The following FBXL17 variants were observed in gnomAD, a reference collection of about 807,000 sequenced individuals.
The protein encoded by FBXL17 is F-box/LRR-repeat protein 17.
In FBXL17, 22 loss-of-function variants were observed where a neutral mutation model predicts 66.2. The observed-to-expected ratio is 0.33, with a 90% CI of 0.24 to 0.47. The LOEUF (loss-of-function observed/expected upper bound fraction) is 0.47. FBXL17 is among the 20% of genes least tolerant of loss of function. The pLI is 1.00. For missense variants in FBXL17, 878 were observed against 948.2 expected, an observed-to-expected ratio of 0.93 and a Z score of 0.97; for synonymous variants, 474 against 400.5, an observed-to-expected ratio of 1.18 and a Z score of -2.19.
intron 6 of FBXL17, among the ~76,000 whole-genome samples, chr5:108,079,171 T>A (rs1375787412): frequency 6.6e-6 from 1 of 151,302 alleles, no homozygotes; most frequent in Non-Finnish European, 1.5e-5. Flanking sequence ...TTTTTTTTTT[T>A]ATTAATCTGC....
At chr5:107,878,519 A>G in intron 8 of FBXL17, 3 of 842,890 alleles carry the variant, frequency 3.6e-6, no homozygotes, top group Non-Finnish European at 4.3e-6. Context: ...GCCCGCGGTG[A>G]CACAACTAGT....
chr5:108,196,126 A>G (rs1753670858), intron 5 of FBXL17, among the ~76,000 whole-genome samples: 1 of 152,100 alleles, frequency 6.6e-6, no homozygotes, highest in Non-Finnish European at 1.5e-5. Context: ...TTTATAGTGA[A>G]TAAATTCTGA....
intron 7 of FBXL17, among the ~76,000 whole-genome samples, chr5:108,015,740 T>C (rs1754358228): frequency 1.3e-5 from 2 of 152,268 alleles, no homozygotes; most frequent in East Asian, 3.9e-4. Flanking sequence ...CAGATCCTAA[T>C]TTGGGTTAAC....
intron 1 of FBXL17, among the ~76,000 whole-genome samples, chr5:108,368,228 A>AT (rs982000593): frequency 6.6e-6 from 1 of 151,862 alleles, no homozygotes; most frequent in African/African-American, 2.4e-5. Flanking sequence ...GTTTGCTTAT[A>AT]TTTAAAAAAA....
At chr5:107,903,575 G>A (rs1749644761) in intron 7 of FBXL17, among the ~76,000 whole-genome samples, 1 of 152,120 alleles carries the variant, frequency 6.6e-6, no homozygotes. Flanking sequence ...TTAGTCAGCG[G>A]CAAAGCTAAG....
At chr5:107,974,528 A>T (rs1266846724) in intron 7 of FBXL17, among the ~76,000 whole-genome samples, 5 of 151,546 alleles carry the variant, frequency 3.3e-5, no homozygotes, top group Non-Finnish European at 7.4e-5. Flanking sequence ...TATTTCTTTC[A>T]CCATTGCTGC....
chr5:108,380,516 C>A (rs954939411), intron 1 of FBXL17, among the ~76,000 whole-genome samples, 183 bp downstream of exon 1: 1 of 152,150 alleles, frequency 6.6e-6, no homozygotes, highest in Non-Finnish European at 1.5e-5. Context: ...TCCAAGTGCT[C>A]CTACTTCAAA....
intron 7 of FBXL17, among the ~76,000 whole-genome samples, chr5:107,890,886 C>T (rs761880726): frequency 1.1e-4 from 16 of 151,990 alleles, no homozygotes; most frequent in East Asian, 1.9e-4. Context: ...TTCTTTCATT[C>T]GACAAATACA....
At chr5:108,375,028 A>G (rs1212579569) in intron 1 of FBXL17, among the ~76,000 whole-genome samples, 1 of 152,062 alleles carries the variant, frequency 6.6e-6, no homozygotes, top group Non-Finnish European at 1.5e-5. Context: ...TAGAAAAATA[A>G]TAGATGATCA....
At chr5:107,927,330 C>G (rs1315278779) in intron 7 of FBXL17, among the ~76,000 whole-genome samples, 1 of 151,936 alleles carries the variant, frequency 6.6e-6, no homozygotes, top group South Asian at 2.1e-4. Flanking sequence ...AGGCAATTAA[C>G]TGTATGAGGG....
intron 4 of FBXL17, among the ~76,000 whole-genome samples, chr5:108,252,713 G>C (rs1026407145): frequency 1.3e-5 from 2 of 152,084 alleles, no homozygotes; most frequent in Admixed American, 1.3e-4. Flanking sequence ...GCTTCAGTTT[G>C]AGGGCAAAAT....
At chr5:108,169,510 AT>A (rs1448865652) in intron 6 of FBXL17, among the ~76,000 whole-genome samples, 1 of 152,138 alleles carries the variant, frequency 6.6e-6, no homozygotes, top group East Asian at 1.9e-4. Context: ...TTCCAAATAA[AT>A]TGTCGCCATA....
At chr5:108,097,036 A>C (rs1749395037) in intron 6 of FBXL17, among the ~76,000 whole-genome samples, 1 of 152,094 alleles carries the variant, frequency 6.6e-6, no homozygotes, top group South Asian at 2.1e-4. Flanking sequence ...TCTCATCTCA[A>C]ATTGTAATCC....
At chr5:108,167,431 A>G (rs901365456) in intron 6 of FBXL17, among the ~76,000 whole-genome samples, 5 of 120,356 alleles carry the variant, frequency 4.2e-5, no homozygotes, top group African/African-American at 1.6e-4. Flanking sequence ...CATTACCACA[A>G]GCATAAAAGA....
intron 6 of FBXL17, among the ~76,000 whole-genome samples, chr5:108,060,563 C>T (rs1364098832): frequency 6.6e-6 from 1 of 152,116 alleles, no homozygotes; most frequent in Non-Finnish European, 1.5e-5. Context: ...TGTCTAGTTA[C>T]ACTTCTGAAA....
intron 7 of FBXL17, among the ~76,000 whole-genome samples, chr5:107,987,865 C>A (rs189165732): frequency 5.5e-4 from 83 of 151,974 alleles, no homozygotes; most frequent in African/African-American, 1.8e-3. Context: ...AAATATAATT[C>A]TTTGGCCATG....
At chr5:108,358,991 GCTCATGAGTAGCTGGAA>G (rs1394143289) in intron 3 of FBXL17, among the ~76,000 whole-genome samples, 1 of 151,898 alleles carries the variant, frequency 6.6e-6, no homozygotes, top group Non-Finnish European at 1.5e-5. Context: ...CCTGCCTCAG[GCTCATGAGTAGCTGGAA>G]CTCAGAATTT....
At chr5:108,357,389 G>A (rs191563567) in intron 3 of FBXL17, among the ~76,000 whole-genome samples, 28 of 152,140 alleles carry the variant, frequency 1.8e-4, no homozygotes, top group East Asian at 1.7e-3. Context: ...TTCACTATTA[G>A]AGACCTTAAT....
At chr5:108,041,494 G>A (rs2112804176) in intron 6 of FBXL17, among the ~76,000 whole-genome samples, 1 of 152,240 alleles carries the variant, frequency 6.6e-6, no homozygotes, top group East Asian at 1.9e-4. Flanking sequence ...ATAGCTCACT[G>A]CAGCCTTGAA....
Sources: gnomAD v4.1 joint callset for allele counts (sites outside exome capture counted in the v4.1 genomes callset) on GRCh38, gnomAD v4.1.1 for gene constraint, MANE v1.5 for transcripts, NCBI Gene and HGNC (gene_info 2026-07-23, HGNC 2026-07-21) for gene names.